Variants in RASSF4 observed in about 807,000 individuals in gnomAD.
The protein encoded by RASSF4 is ras association domain-containing protein 4.
In RASSF4, 38 loss-of-function variants were observed where a neutral mutation model predicts 41.1. The ratio of observed to expected loss-of-function variants is 0.92; its 90% CI spans 0.71 to 1.21. The LOEUF is 1.21. Among genes scored for constraint, RASSF4 ranks in the 50% most tolerant of loss-of-function variants. The probability of loss-of-function intolerance (pLI) is 0.00; values close to 1 mark genes in which losing one functional copy is unlikely to be tolerated. For synonymous variants in RASSF4, 179 were observed against 163.4 expected (o/e 1.10, Z -0.73); for missense variants, 414 against 419.4 (o/e 0.99, Z 0.11).
intron 4 of RASSF4, chr10:44,983,441 G>A (rs548620079): frequency 2.7e-4 from 47 of 172,130 alleles, no homozygotes; most frequent in South Asian, 9.8e-4. Flanking sequence ...GCCCCTCTTC[G>A]AGGTAAAGCA....
intron 3 of RASSF4, chr10:44,978,163 G>C: frequency 9.7e-7 from 1 of 1,027,218 alleles, no homozygotes; most frequent in Non-Finnish European, 1.4e-6. Flanking sequence ...TGCCCTGAGA[G>C]CAATTTGAAG....
At chr10:44,982,260 C>T (rs1259345757) in intron 3 of RASSF4, 1 of 517,910 alleles carries the variant, frequency 1.9e-6, no homozygotes, top group African/African-American at 2.0e-5. Context: ...AGCTGGCTTC[C>T]TGTGGGACAC....
chr10:44,985,920 T>C (rs1000799663), intron 6 of RASSF4, among the ~76,000 whole-genome samples: 4 of 152,138 alleles, frequency 2.6e-5, no homozygotes, highest in African/African-American at 9.7e-5. Context: ...TATTCCAAAG[T>C]AGAGTCTCCT....
At chr10:44,977,483 G>C in intron 3 of RASSF4, 1 of 1,612,970 alleles carries the variant, frequency 6.2e-7, no homozygotes, top group Non-Finnish European at 8.5e-7. Context: ...GGCTTGGGCA[G>C]ACTGCCCAAA....
Position 44,989,542 on chromosome 10 carries a change from T to G in RASSF4, c.634-128T>G, listed in dbSNP as rs58731194. ...TTCTCGGATTTCAAGCAAGAGGAGG[T>G]TGGGAGAGGACAGGTTCCTTGCAAC... is the stretch of plus-strand genomic sequence containing the variant. On this transcript the variant is annotated intron_variant, in intron 7 of 10. Coordinates refer to ENST00000340258, the MANE Select transcript of RASSF4 (RefSeq NM_032023.4). 12,962 of 989,394 alleles carry G rather than the reference T, an allele frequency of 0.013. 318 individuals carry two copies. The highest frequency in any genetic ancestry group is 0.089 in the African/African-American group (5,561 of 62,624). The allele number at this position is 989,394 out of a possible 1,614,324, so 61.3% of individuals were successfully genotyped here.
chr10:44,984,924 T>C lies in RASSF4; in HGVS notation c.485T>C (p.Ile162Thr), dbSNP rs770198320. 16 of 1,613,110 alleles carry C rather than the reference T, an allele frequency of 9.9e-6. No homozygotes were observed. The highest frequency in any genetic ancestry group is 1.4e-5 in the Non-Finnish European group (16 of 1,179,986). Residue 162 changes from isoleucine to threonine, a missense_variant, in exon 6 of 11, where the codon ATC becomes ACC. By Grantham distance (89) the Ile-to-Thr change is moderately conservative. Coordinates refer to ENST00000340258, the MANE Select transcript of RASSF4 (RefSeq NM_032023.4). ...KCRAPGEAQR[I>T]RRHRFSINGH... ...CGCGCCCCCGGTGAGGCCCAGCGCA[T>C]CCGGCGACACCGGTTCTCTATCAAC...
intron 3 of RASSF4, chr10:44,977,650 G>T: frequency 6.2e-7 from 1 of 1,613,090 alleles, no homozygotes; most frequent in Non-Finnish European, 8.5e-7. Flanking sequence ...CAGCAGAGGG[G>T]CCAGTCCTCC....
At chr10:44,983,032 C>T (rs1841782100) in intron 4 of RASSF4, 2 of 500,896 alleles carry the variant, frequency 4.0e-6, no homozygotes, top group Non-Finnish European at 7.8e-6. Context: ...CCTCTTACTA[C>T]TCTGTTTTCA....
At chr10:44,990,756 G>A (rs1842078892) in intron 8 of RASSF4, 192 bp from the exon 9 acceptor site, 2 of 491,538 alleles carry the variant, frequency 4.1e-6, no homozygotes, top group Non-Finnish European at 7.3e-6. Flanking sequence ...ATGCCAAAGT[G>A]GCAGATCTGG....
intron 1 of RASSF4, among the ~76,000 whole-genome samples, chr10:44,960,366 C>T (rs974594340): frequency 5.3e-5 from 8 of 152,218 alleles, no homozygotes; most frequent in Non-Finnish European, 8.8e-5. Flanking sequence ...GTCCTACTTT[C>T]GTTATCCCCT....
intron 3 of RASSF4, among the ~76,000 whole-genome samples, chr10:44,974,694 C>T (rs529776238): frequency 1.5e-3 from 227 of 152,290 alleles, no homozygotes; most frequent in African/African-American, 5.1e-3. Flanking sequence ...GGTGCCTTCT[C>T]CTCCACTGTC....
intron 1 of RASSF4, among the ~76,000 whole-genome samples, chr10:44,960,759 G>A (rs961405020): frequency 5.3e-5 from 8 of 152,232 alleles, no homozygotes; most frequent in Non-Finnish European, 1.0e-4. Context: ...TAAGGGCTGG[G>A]CTTCTGGAAT....
intron 6 of RASSF4, among the ~76,000 whole-genome samples, chr10:44,985,629 C>A (rs1841895647): frequency 6.6e-6 from 1 of 152,166 alleles, no homozygotes; most frequent in Non-Finnish European, 1.5e-5. Flanking sequence ...AAGCAGCTGC[C>A]CTTCTTGATA....
At chr10:44,989,605 G>A in intron 7 of RASSF4, 65 bp from the exon 8 acceptor site, 2 of 1,455,860 alleles carry the variant, frequency 1.4e-6, no homozygotes, top group African/African-American at 1.4e-5. Context: ...TACTGTCAGG[G>A]GACCCTCTCA....
chr10:44,970,524 G>T, intron 2 of RASSF4: 1 of 462,016 alleles, frequency 2.2e-6, no homozygotes, highest in Non-Finnish European at 3.8e-6. Context: ...GTGTGTACAG[G>T]GCCTCATTAT....
At chr10:44,990,849 C>A in intron 8 of RASSF4, 99 bp from the exon 9 acceptor site, 13 of 1,297,052 alleles carry the variant, frequency 1.0e-5, no homozygotes, top group Non-Finnish European at 1.4e-5. Flanking sequence ...TTAGGGTTCC[C>A]TGCGCCCCTA....
chr10:44,992,987 C>T lies in RASSF4; in HGVS notation c.906-282C>T, dbSNP rs558027915. 7.2e-5 allele frequency among the ~76,000 whole-genome samples: 11 copies of T among 152,300 alleles called. No individual in the cohort carries two copies. The South Asian group carries it at 2.1e-3, about 29-fold the overall frequency. ...AATCTGGGCTGAAACATGGGCTTCC[C>T]GATCTCTGCTCTACCGCCCTGTCCA... is the stretch of plus-strand genomic sequence containing the variant. On this transcript the variant is annotated intron_variant, in intron 10 of 10. Coordinates refer to ENST00000340258, the MANE Select transcript of RASSF4 (RefSeq NM_032023.4).
rs554573808 is a variant in RASSF4, at chr10:44,991,052, G to A, written c.790G>A (p.Val264Met). ...RIFLMEADLG[V>M]EVPHEVAQYI... ...CTTCCTGATGGAAGCTGACTTGGGC[G>A]TGGAAGTCCCCCATGAAGTGAGTGG... Residue 264 changes from valine (V) to methionine (M), a missense_variant, in exon 9 of 11, where the codon GTG (valine) becomes ATG (methionine). Val to Met is a conservative substitution (Grantham distance 21). Transcript: ENST00000340258. 2.7e-5 allele frequency: 43 copies of A among 1,613,436 alleles called. No individual in the cohort carries two copies. The highest frequency in any genetic ancestry group is 1.7e-4 in the Middle Eastern group (1 of 6,058).
In RASSF4 at chr10:44,989,737, A is replaced by G; in HGVS notation, c.685+16A>G. The G allele has an allele frequency of 1.9e-6, 3 of 1,612,614 alleles. No individual in the cohort carries two copies. The highest frequency in any genetic ancestry group is 2.5e-6 in the Non-Finnish European group (3 of 1,178,640). On this transcript the variant is annotated intron_variant, in intron 8 of 10. Transcript: ENST00000340258. ...GAGTCTGGGGGTAAGTACCTGCCCCACTTCTGGATCGTAAAAGCAAAAGGT... is the reference window on the plus strand; with the variant it reads ...GAGTCTGGGGGTAAGTACCTGCCCCGCTTCTGGATCGTAAAAGCAAAAGGT...
Sources: allele counts gnomAD v4.1 joint callset (sites outside exome capture counted in the v4.1 genomes callset), GRCh38; gene constraint gnomAD v4.1.1; transcripts MANE v1.5; gene names NCBI Gene and HGNC (gene_info 2026-07-23, HGNC 2026-07-21).